Variants in TLCD3B observed in about 807,000 individuals in gnomAD.
TLCD3B encodes the protein ceramide synthase.
TLCD3B carries 9 observed loss-of-function variants against 23.0 expected under a neutral mutation model. The ratio of observed to expected loss-of-function variants is 0.39; its 90% confidence interval spans 0.24 to 0.68. The LOEUF is 0.68. Among genes scored for constraint, TLCD3B ranks in the 30% least tolerant of loss-of-function variants. The pLI, the probability that TLCD3B is intolerant of heterozygous loss-of-function variation, is 0.44. For missense variants in TLCD3B, 307 were observed against 371.8 expected (o/e 0.83, Z 1.43); for synonymous variants, 161 against 161.0 (o/e 1.00, Z 0.00).
chr16:30,044,954 G>A (rs1369254805), intron 2 of TLCD3B, among the ~76,000 whole-genome samples: 3 of 151,740 alleles, frequency 2.0e-5, no homozygotes, highest in Non-Finnish European at 2.9e-5. Flanking sequence ...TTAGCCGGGC[G>A]TGGTGGCATG....
At chr16:30,043,264 C>T (rs754315610) in intron 2 of TLCD3B, among the ~76,000 whole-genome samples, 38 of 152,056 alleles carry the variant, frequency 2.5e-4, no homozygotes, top group Non-Finnish European at 5.0e-4. Flanking sequence ...CTCATTTTGT[C>T]TCCCTTGATG....
At chr16:30,040,147 A>ATATATATATAT (rs1555475530) in intron 3 of TLCD3B, among the ~76,000 whole-genome samples, 2 of 95,898 alleles carry the variant, frequency 2.1e-5, no homozygotes, top group African/African-American at 8.7e-5. Context: ...AAAAAAAAAA[A>ATATATATATAT]ATATATATAT....
rs1228144959 is a variant in TLCD3B at position 30,029,184 on chromosome 16, C to A, written c.209+248G>T. 6.6e-6 allele frequency among the ~76,000 whole-genome samples: 1 copy of A among 152,196 alleles called. No homozygotes were observed. The highest frequency in any genetic ancestry group is 1.5e-5 in the Non-Finnish European group (1 of 68,022). On this transcript the variant is annotated intron_variant, in intron 2 of 4. Coordinates refer to ENST00000380495, the MANE Select transcript of TLCD3B (RefSeq NM_031478.6). The surrounding 1 kb of genome is among the most constrained non-coding windows in gnomAD (Gnocchi z 4.6). ...ACAACACGGGAGACCTGGAAGCCGA[C>A]TAGAAAGCGCTTTGAGGATCCTCTC...
intron 2 of TLCD3B, among the ~76,000 whole-genome samples, chr16:30,044,011 T>C (rs978471002): frequency 1.4e-4 from 5 of 36,416 alleles, no homozygotes; most frequent in Non-Finnish European, 2.8e-4. Context: ...AACCATGTCC[T>C]TTTTTTTTTT....
At chr16:30,035,191 C>T (rs994056114), upstream of TLCD3B, 11 of 777,644 alleles carry the variant, frequency 1.4e-5, no homozygotes, top group South Asian at 1.8e-5. Flanking sequence ...GAATTATAGG[C>T]GTGAGCCACC....
intron 2 of TLCD3B, among the ~76,000 whole-genome samples, chr16:30,043,700 T>A (rs2150995692): frequency 6.6e-6 from 1 of 152,242 alleles, no homozygotes; most frequent in South Asian, 2.1e-4. Flanking sequence ...TATTATTTTT[T>A]GAGATGGGGT....
intron 3 of TLCD3B, among the ~76,000 whole-genome samples, chr16:30,039,277 C>G (rs1313046246): frequency 6.6e-6 from 1 of 151,978 alleles, no homozygotes; most frequent in Non-Finnish European, 1.5e-5. Context: ...CCATGCGCCA[C>G]CACGCCTGGC....
intron 1 of TLCD3B, among the ~76,000 whole-genome samples, chr16:30,049,036 G>A (rs1189173093): frequency 6.6e-6 from 1 of 152,188 alleles, no homozygotes; most frequent in African/African-American, 2.4e-5. Flanking sequence ...CTCCCAAAGT[G>A]CTGGGATTAC....
At chr16:30,042,973 G>T (rs562420716) in intron 2 of TLCD3B, among the ~76,000 whole-genome samples, 1 of 151,966 alleles carries the variant, frequency 6.6e-6, no homozygotes, top group Non-Finnish European at 1.5e-5. Context: ...GGTGGCACAC[G>T]CCTGTAATCC....
At chr16:30,030,362 C>G in intron 1 of TLCD3B, 41 bp downstream of exon 1, 1 of 1,516,644 alleles carries the variant, frequency 6.6e-7, no homozygotes, top group Non-Finnish European at 8.9e-7. Flanking sequence ...CTGAGAAGCC[C>G]AAGAAGCAGA....
rs749812403 is a variant in TLCD3B, at chr16:30,025,609, T to G, written c.540+117A>C. 59 of 1,460,468 alleles carry G rather than the reference T, an allele frequency of 4.0e-5. No individual in the cohort carries two copies. The highest frequency in any genetic ancestry group is 5.5e-5 in the Non-Finnish European group (57 of 1,043,538). The allele number at this position is 1,460,468 out of a possible 1,614,324, so 90.5% of individuals were successfully genotyped here. ...GGACACAAGCACCAGGTGCTCAAAA[T>G]GCACGGGGTGAGGGGGGGATGACGA... is the stretch of plus-strand genomic sequence containing the variant. On this transcript the variant is annotated intron_variant, in intron 4 of 4. Transcript: ENST00000380495. The surrounding 1 kb of genome is among the most constrained non-coding windows in gnomAD (Gnocchi z 4.1).
At chr16:30,036,694 C>A (rs1194877877) in intron 3 of TLCD3B, among the ~76,000 whole-genome samples, 2 of 152,176 alleles carry the variant, frequency 1.3e-5, no homozygotes, top group Admixed American at 6.5e-5. Context: ...TCCAGCAAGC[C>A]TTGCCTAGAA....
intron 1 of TLCD3B, among the ~76,000 whole-genome samples, chr16:30,049,334 A>G (rs11642740): frequency 0.28 from 42,986 of 152,018 alleles, 7,670 homozygotes; most frequent in South Asian, 0.42. Flanking sequence ...TTGGATGTCC[A>G]TTGGAGGCAG....
upstream of TLCD3B, chr16:30,035,418 G>T (rs769510964): frequency 7.8e-7 from 1 of 1,289,596 alleles, no homozygotes; most frequent in East Asian, 5.5e-5. Flanking sequence ...AAGCCCCAGC[G>T]CAGGGCAGTG....
chr16:30,035,119 C>T (rs905980467), upstream of TLCD3B: 7 of 295,974 alleles, frequency 2.4e-5, no homozygotes, highest in South Asian at 2.2e-4. Flanking sequence ...ACCATGTTGG[C>T]CAGGCTGGTC....
At chr16:30,045,792 G>GA (rs1436191709) in intron 2 of TLCD3B, among the ~76,000 whole-genome samples, 1 of 151,640 alleles carries the variant, frequency 6.6e-6, no homozygotes, top group Admixed American at 6.6e-5. Flanking sequence ...CCCAAGATGG[G>GA]ATGCACCACA....
At chr16:30,038,682 G>A (rs183745028) in intron 3 of TLCD3B, among the ~76,000 whole-genome samples, 5 of 152,130 alleles carry the variant, frequency 3.3e-5, no homozygotes, top group South Asian at 2.1e-4. Flanking sequence ...CCTGGGAGGC[G>A]GAGGTTGCAG....
In TLCD3B at chr16:30,025,765, G is replaced by A. The variant is rs1278883007; in HGVS notation, c.501C>T (p.Val167=). The part of the protein sequence containing the change: ...FFLGCMLMAE[V]STPFVCLGKI... ...TGCCAAGGCAGACGAAGGGCGTGCT[G>A]ACCTCTGCCATCAACATGCAACCCA... Residue 167 remains valine, a synonymous_variant, in exon 4 of 5, where the codon GTC becomes GTT. Transcript: ENST00000380495. This position sits in a 1 kb window ranked among gnomAD's most constrained non-coding sequence, Gnocchi z 4.1. 1 of 1,614,160 alleles carries A rather than the reference G, an allele frequency of 6.2e-7. No homozygotes were observed. Among genetic ancestry groups the A allele is most frequent in the South Asian group, 1.1e-5 (1 of 91,086 alleles).
At chr16:30,040,566 G>A (rs2071565721) in intron 3 of TLCD3B, among the ~76,000 whole-genome samples, 1 of 151,988 alleles carries the variant, frequency 6.6e-6, no homozygotes, top group Non-Finnish European at 1.5e-5. Flanking sequence ...GAGAGAAGGT[G>A]GGAGAGGGAA....
Sources: gnomAD v4.1 joint callset for allele counts (sites outside exome capture counted in the v4.1 genomes callset) on GRCh38, gnomAD v4.1.1 for gene constraint, Gnocchi (gnomAD v3.1) non-coding constraint, MANE v1.5 for transcripts, NCBI Gene and HGNC (gene_info 2026-07-23, HGNC 2026-07-21) for gene names.